CD99: variants seen among roughly 807,000 people sequenced by gnomAD.
CD99 encodes CD99 antigen.
A neutral mutation model predicts 28.4 loss-of-function variants in CD99; 19 were observed. That is an observed-to-expected ratio of 0.67 (90% confidence interval 0.47 to 0.98). CD99 has a LOEUF of 0.98. CD99 is among the 50% of genes least tolerant of loss of function. The pLI is 0.00. For missense variants in CD99, 283 were observed against 248.8 expected (o/e 1.14, Z -0.92); for synonymous variants, 103 against 92.1 (o/e 1.12, Z -0.67).
intron 1 of CD99, among the ~76,000 whole-genome samples, chrX:2,699,949 C>G (rs143996335): frequency 6.6e-6 from 1 of 152,188 alleles, no homozygotes; most frequent in Non-Finnish European, 1.5e-5. Context: ...TCATCTTCAG[C>G]GAGCCCTTAA....
At chrX:2,723,285 C>T (rs375430218) in intron 6 of CD99, 29 bp from the exon 7 acceptor site, 15 of 1,613,504 alleles carry the variant, frequency 9.3e-6, no homozygotes, top group Non-Finnish European at 1.2e-5. Flanking sequence ...CCAAACCTTC[C>T]CATTGCAGAC....
Position 2,722,632 on chromosome X carries a change from T to G in CD99, c.268T>G (p.Phe90Val), listed in dbSNP as rs1179470298. ...TGCTGTATTTTCTTTCCTAGGTAGC[T>G]TTTCAGATGCTGACCTTGCGGATGG... ...NPNHPSSSGSFSDADLADGVS... is the reference protein window; with the variant it reads ...NPNHPSSSGSVSDADLADGVS... The change falls in exon 6 of 10, where the codon TTT (phenylalanine) becomes GTT (valine). Residue 90 changes from phenylalanine to valine, a missense_variant. Physicochemically the swap from Phe to Val is conservative, Grantham distance 50 (BLOSUM62 -1). Coordinates refer to ENST00000381192, the MANE Select transcript of CD99 (RefSeq NM_002414.5). 6.2e-7 allele frequency: 1 copy of G among 1,613,962 alleles called. No homozygotes were observed. Among genetic ancestry groups the G allele is most frequent in the Non-Finnish European group, 8.5e-7 (1 of 1,179,820 alleles).
chrX:2,717,506 G>T, intron 2 of CD99, 99 bp from the exon 3 acceptor site: 1 of 975,780 alleles, frequency 1.0e-6, no homozygotes, highest in South Asian at 1.3e-5. Flanking sequence ...AACATTCTCC[G>T]ACTGTTTCCA....
chrX:2,692,085 C>T (rs1173354272), intron 1 of CD99: 1 of 605,282 alleles, frequency 1.7e-6, no homozygotes, highest in African/African-American at 1.9e-5. Context: ...ATTCGGAAAA[C>T]AGAAAAAGTG....
At chrX:2,709,697 A>T (rs5982840) in intron 1 of CD99, among the ~76,000 whole-genome samples, 4 of 151,930 alleles carry the variant, frequency 2.6e-5, no homozygotes, top group South Asian at 2.1e-4. Context: ...CACATGCATG[A>T]ACATAGACAC....
rs773294263 is a variant in CD99, at chrX:2,695,637, CT to C, written c.67+4224del. ...ATGTTGCCCAGACTGAAAAAAAAGT[CT>C]TTTTTTTTTTTTTGAGACAGTGTCT... On this transcript the variant is annotated intron_variant, in intron 1 of 9. Transcript: ENST00000381192. 5.3e-3 allele frequency among the ~76,000 whole-genome samples: 748 copies of C among 141,356 alleles called. 7 individuals are homozygous for C. Among genetic ancestry groups the C allele is most frequent in the African/African-American group, 0.013 (507 of 37,968 alleles). 92.7% of individuals were successfully genotyped at this position (141,356 alleles called of 152,430 possible).
chrX:2,709,775 A>C (rs868609015), intron 1 of CD99, among the ~76,000 whole-genome samples: 1 of 140,976 alleles, frequency 7.1e-6, no homozygotes, highest in Non-Finnish European at 1.6e-5. Context: ...CAGGCCCTGC[A>C]TTGGAAAAAA....
chrX:2,712,375 G>A (rs1033805069), intron 1 of CD99, among the ~76,000 whole-genome samples: 13 of 152,058 alleles, frequency 8.5e-5, no homozygotes, highest in African/African-American at 3.1e-4. Context: ...CAGTAGCTTT[G>A]AACTGTTTGC....
At chrX:2,718,369 CTTTTTTTTT>C (rs750689789) in intron 3 of CD99, among the ~76,000 whole-genome samples, 2 of 136,930 alleles carry the variant, frequency 1.5e-5, no homozygotes, top group African/African-American at 5.3e-5. Flanking sequence ...TTCTTTCTTT[CTTTTTTTTT>C]TTTTTTTTGA....
At chrX:2,737,549 C>T (rs1569451773) in intron 8 of CD99, among the ~76,000 whole-genome samples, 1 of 150,146 alleles carries the variant, frequency 6.7e-6, no homozygotes, top group Non-Finnish European at 1.5e-5. Context: ...GGCTGGAGTG[C>T]AATAGTGTGA....
chrX:2,704,426 C>T (rs1175159818), intron 1 of CD99, among the ~76,000 whole-genome samples: 1 of 151,864 alleles, frequency 6.6e-6, no homozygotes, highest in Non-Finnish European at 1.5e-5. Context: ...TAATCTTTTT[C>T]TTTTTTCTTT....
At chrX:2,707,930 G>T (rs985169011) in intron 1 of CD99, among the ~76,000 whole-genome samples, 7 of 152,194 alleles carry the variant, frequency 4.6e-5, no homozygotes, top group Non-Finnish European at 1.0e-4. Context: ...TGAAAGCTCA[G>T]GGAATGTGAT....
intron 7 of CD99, 25 bp downstream of exon 7, chrX:2,723,389 C>G (rs780395146): frequency 9.9e-6 from 16 of 1,613,236 alleles, no homozygotes; most frequent in South Asian, 8.8e-5. Context: ...CTTCTGTCTT[C>G]TTGTCTCTCC....
chrX:2,719,400 C>G, intron 3 of CD99: 1 of 502,988 alleles, frequency 2.0e-6, no homozygotes, highest in Non-Finnish European at 3.6e-6. Context: ...TCTCTCTCTC[C>G]CCACTGCCTC....
intron 1 of CD99, chrX:2,692,027 C>G: frequency 1.5e-6 from 1 of 676,132 alleles, no homozygotes; most frequent in South Asian, 1.6e-5. Flanking sequence ...ACACGGGGCG[C>G]AGAAAGAAAC....
chrX:2,717,241 G>A lies in CD99; in HGVS notation c.101-364G>A, dbSNP rs192706847. ...CATGCACCTGTAAGCCCAGCTACTC[G>A]GGAGGCTGAGGCAGGAGAATCGCTT... On this transcript the variant is annotated intron_variant, in intron 2 of 9. Transcript: ENST00000381192. 7.7e-5 allele frequency: 15 copies of A among 196,028 alleles called. No individual in the cohort carries two copies. The East Asian group carries it at 1.3e-3, about 17-fold the overall frequency. The allele number at this position is 196,028 out of a possible 1,614,324, so 12.1% of individuals were successfully genotyped here.
intron 8 of CD99, among the ~76,000 whole-genome samples, chrX:2,734,209 C>T (rs1219198925): frequency 6.7e-6 from 1 of 149,098 alleles, no homozygotes; most frequent in Non-Finnish European, 1.5e-5. Flanking sequence ...TTATTTTTTT[C>T]TTTCTTTTCA....
At chrX:2,716,295 G>A (rs1395210735) in intron 2 of CD99, among the ~76,000 whole-genome samples, 1 of 152,054 alleles carries the variant, frequency 6.6e-6, no homozygotes, top group Non-Finnish European at 1.5e-5. Flanking sequence ...GGGATGACAG[G>A]CATGAGCCAC....
At chrX:2,738,595 G>A (rs1362657803) in intron 9 of CD99, among the ~76,000 whole-genome samples, 2 of 151,914 alleles carry the variant, frequency 1.3e-5, no homozygotes, top group Admixed American at 6.6e-5. Context: ...TGTGGTGGTG[G>A]GCGCCTGTAA....
Sources: gnomAD v4.1 joint callset for allele counts (sites outside exome capture counted in the v4.1 genomes callset) on GRCh38, gnomAD v4.1.1 for gene constraint, MANE v1.5 for transcripts, NCBI Gene and HGNC (gene_info 2026-07-23, HGNC 2026-07-21) for gene names.